Variants in CLCA1 observed in about 807,000 individuals in gnomAD.
The protein encoded by CLCA1 is calcium-activated chloride channel regulator 1.
CLCA1 carries 59 observed loss-of-function variants against 85.6 expected under a neutral mutation model. The ratio of observed to expected loss-of-function variants is 0.69; its 90% CI spans 0.56 to 0.86. The LOEUF is 0.86. CLCA1 is among the 40% of genes least tolerant of loss of function. The pLI is 0.00. For missense variants in CLCA1, 1,022 were observed against 1,101.4 expected, an observed-to-expected ratio of 0.93 and a Z score of 1.02; for synonymous variants, 396 against 398.3, an observed-to-expected ratio of 0.99 and a Z score of 0.07.
chr1:86,489,815 T>A (rs1570287707), intron 8 of CLCA1, among the ~76,000 whole-genome samples: 1 of 152,156 alleles, frequency 6.6e-6, no homozygotes, highest in Non-Finnish European at 1.5e-5. Flanking sequence ...AGGGATAATA[T>A]TGTGGATCTC....
At chr1:86,488,781 C>T (rs1270139572) in intron 7 of CLCA1, among the ~76,000 whole-genome samples, 1 of 152,160 alleles carries the variant, frequency 6.6e-6, no homozygotes. Flanking sequence ...TCCCTCTCTG[C>T]AGCAGACCAG....
intron 10 of CLCA1, 51 bp downstream of exon 10, chr1:86,493,650 G>A (rs756451695): frequency 5.4e-5 from 74 of 1,358,708 alleles, no homozygotes; most frequent in Non-Finnish European, 7.2e-5. Flanking sequence ...ATAAAATAAA[G>A]TTTTTACAGA....
intron 5 of CLCA1, among the ~76,000 whole-genome samples, chr1:86,484,637 G>A (rs2734700): frequency 0.24 from 37,011 of 152,120 alleles, 5,358 homozygotes; most frequent in East Asian, 0.68. Flanking sequence ...AACTGCAATC[G>A]TCTGAGGGAG....
At chr1:86,483,779 A>G (rs956630070) in intron 5 of CLCA1, among the ~76,000 whole-genome samples, 2 of 152,228 alleles carry the variant, frequency 1.3e-5, no homozygotes, top group East Asian at 3.8e-4. Context: ...CTAAATTTTG[A>G]GGAAGCAAAA....
chr1:86,476,255 C>T (rs1450294193), intron 3 of CLCA1, among the ~76,000 whole-genome samples, 193 bp from the exon 4 acceptor site: 1 of 152,154 alleles, frequency 6.6e-6, no homozygotes, highest in Non-Finnish European at 1.5e-5. Context: ...GCCTGATTAA[C>T]ATTTGATAAG....
At chr1:86,477,514 A>C (rs1472943207) in intron 4 of CLCA1, among the ~76,000 whole-genome samples, 1 of 152,206 alleles carries the variant, frequency 6.6e-6, no homozygotes. Context: ...GTGCAAACAG[A>C]AGTGATAGGG....
intron 3 of CLCA1, among the ~76,000 whole-genome samples, chr1:86,475,389 T>C (rs978037704): frequency 2.0e-5 from 3 of 152,218 alleles, no homozygotes; most frequent in Admixed American, 2.0e-4. Context: ...GAGCTGTACA[T>C]AAGTCATTCA....
At chr1:86,494,925 T>A (rs548858804) in intron 11 of CLCA1, among the ~76,000 whole-genome samples, 2 of 152,156 alleles carry the variant, frequency 1.3e-5, no homozygotes, top group Non-Finnish European at 2.9e-5. Context: ...TCCTATATGA[T>A]TCCTGTATCT....
intron 11 of CLCA1, 132 bp downstream of exon 11, chr1:86,494,580 G>A: frequency 1.1e-6 from 1 of 902,318 alleles, no homozygotes. Context: ...GGTTGGGAGA[G>A]TTCTCCATTT....
intron 8 of CLCA1, among the ~76,000 whole-genome samples, chr1:86,489,635 T>C (rs1648081947): frequency 6.6e-6 from 1 of 152,184 alleles, no homozygotes; most frequent in Non-Finnish European, 1.5e-5. Context: ...AAGGGCATGT[T>C]AAACAAGGCA....
At position 86,494,297 on chromosome 1, in the gene CLCA1, G is replaced by T. The variant is rs899149911; in HGVS notation, c.1791G>T (p.Thr597=). The T allele has an allele frequency of 1.9e-6, 3 of 1,613,962 alleles. No homozygotes were observed. The highest frequency in any genetic ancestry group is 3.3e-5 in the Admixed American group (2 of 59,994). ...CTCCAATTACAGTGACTTCCAAAAC[G>T]AACAAGGACACCAGCAAATTCCCCA... is the stretch of plus-strand genomic sequence containing the variant. ...TLPPITVTSK[T]NKDTSKFPSP... is the part of the protein sequence containing the mutation. The change falls in exon 11 of 14, where the codon ACG becomes ACT. Residue 597 remains threonine, a synonymous_variant. Transcript: ENST00000394711.
rs55723478 is a variant in CLCA1, at chr1:86,474,011, C to T, written c.451+135C>T. Reference sequence around the variant, plus strand: ...AGATAAAACATCATAGCATTTTTCACTTAAAATAGAACATGCATTTCACTT... The same window carrying T: ...AGATAAAACATCATAGCATTTTTCATTTAAAATAGAACATGCATTTCACTT... On this transcript the variant is annotated intron_variant, in intron 3 of 13. Transcript: ENST00000394711. 186 of 560,314 alleles carry T rather than the reference C, an allele frequency of 3.3e-4. 2 individuals are homozygous for T. In the East Asian group the frequency reaches 5.6e-3, roughly 17 times the overall value. The allele number at this position is 560,314 out of a possible 1,614,324, so 34.7% of individuals were successfully genotyped here.
intron 12 of CLCA1, 70 bp downstream of exon 12, chr1:86,495,745 G>T: frequency 2.1e-6 from 3 of 1,403,266 alleles, no homozygotes. Context: ...TATTAAGCCT[G>T]TGGGGCAGAA....
Position 86,485,391 on chromosome 1 carries a change from A to G in CLCA1, c.784A>G (p.Lys262Glu), listed in dbSNP as rs1178369520. Reference protein sequence around the residue: ...EQNHNKEAPNKQNQKCNLRST... With the variant: ...EQNHNKEAPNEQNQKCNLRST... ...AAACCACAACAAAGAAGCTCCAAAC[A>G]AGCAAAATCAAAAATGCAATCTCCG... Residue 262 changes from lysine (K) to glutamate (E), a missense_variant, in exon 6 of 14, where the codon AAG (lysine) becomes GAG (glutamate). Coordinates refer to ENST00000394711, the MANE Select transcript of CLCA1 (RefSeq NM_001285.4). 6.2e-7 allele frequency: 1 copy of G among 1,614,094 alleles called. No homozygotes were observed. The highest frequency in any genetic ancestry group is 8.5e-7 in the Non-Finnish European group (1 of 1,180,028).
At chr1:86,474,472 T>C (rs1456220162) in intron 3 of CLCA1, among the ~76,000 whole-genome samples, 1 of 150,848 alleles carries the variant, frequency 6.6e-6, no homozygotes, top group Non-Finnish European at 1.5e-5. Context: ...GAGAATGGCG[T>C]GAACCCGGGA....
Position 86,491,387 on chromosome 1 carries a change from C to T in CLCA1, c.1464+16C>T, listed in dbSNP as rs1648130373. The T allele has an allele frequency of 6.4e-7, 1 of 1,570,314 alleles. No homozygotes were observed. ...CTCCATCCAGGTTGGAGTTCTTAAT[C>T]TTTGGTTTTTCATATTTACACATAA... On this transcript the variant is annotated intron_variant, in intron 9 of 13. Transcript: ENST00000394711.
Position 86,489,050 on chromosome 1 carries a change from G to A in CLCA1, c.1237G>A (p.Gly413Arg). The change falls in exon 8 of 14, where the codon GGG becomes AGG. Residue 413 changes from glycine (G) to arginine (R), a missense_variant. Physicochemically the swap from Gly to Arg is moderately radical, Grantham distance 125. Coordinates refer to ENST00000394711, the MANE Select transcript of CLCA1 (RefSeq NM_001285.4). Reference sequence around the variant, plus strand: ...ATCTGAAATTGTGCTGCTGACGGATGGGGAAGACAACACTATAAGTGGGTG... The same window carrying A: ...ATCTGAAATTGTGCTGCTGACGGATAGGGAAGACAACACTATAAGTGGGTG... ...DGSEIVLLTD[G>R]EDNTISGCFN... 1.2e-6 allele frequency: 2 copies of A among 1,614,078 alleles called. No individual in the cohort carries two copies. Among genetic ancestry groups the A allele is most frequent in the Non-Finnish European group, 1.7e-6 (2 of 1,179,968 alleles).
chr1:86,493,435 G>A lies in CLCA1; in HGVS notation c.1516G>A (p.Val506Met). The A allele has an allele frequency of 6.2e-7, 1 of 1,614,112 alleles. No individual in the cohort carries two copies. The highest frequency in any genetic ancestry group is 1.7e-5 in the Admixed American group (1 of 60,018). The change falls in exon 10 of 14, where the codon GTG becomes ATG. Residue 506 changes from valine to methionine, a missense_variant. By Grantham distance (21) the Val-to-Met change is conservative. Transcript: ENST00000394711. ...GAACAGCCAGTGGATGAATGGCACA[G>A]TGATCGTGGACAGCACCGTGGGAAA... ...LQNSQWMNGTVIVDSTVGKDT... is the reference protein window; with the variant it reads ...LQNSQWMNGTMIVDSTVGKDT...
chr1:86,473,780 A>C lies in CLCA1; in HGVS notation c.355A>C (p.Thr119Pro), dbSNP rs753409667. 3.7e-6 allele frequency: 6 copies of C among 1,613,114 alleles called. No homozygotes were observed. The highest frequency in any genetic ancestry group is 4.2e-6 in the Non-Finnish European group (5 of 1,179,354). Reference protein sequence around the residue: ...STPPGNDEPYTEQMGNCGEKG... With the variant: ...STPPGNDEPYPEQMGNCGEKG... ...TCCTCCAGGTAATGATGAACCCTAC[A>C]CTGAGCAGATGGGCAACTGTGGAGA... The change falls in exon 3 of 14, where the codon ACT becomes CCT. Residue 119 changes from threonine to proline, a missense_variant. By Grantham distance (38) the Thr-to-Pro change is conservative. Coordinates refer to ENST00000394711, the MANE Select transcript of CLCA1 (RefSeq NM_001285.4).
Sources: gnomAD v4.1 joint callset for allele counts (sites outside exome capture counted in the v4.1 genomes callset) on GRCh38, gnomAD v4.1.1 for gene constraint, MANE v1.5 for transcripts, NCBI Gene and HGNC (gene_info 2026-07-23, HGNC 2026-07-21) for gene names.